Variants in HSD17B12 observed in about 807,000 individuals in gnomAD.
HSD17B12 encodes the protein very-long-chain 3-oxoacyl-CoA reductase.
A neutral mutation model predicts 39.3 loss-of-function variants in HSD17B12; 32 were observed. That is an observed-to-expected ratio of 0.81 (90% CI 0.61 to 1.09). The LOEUF is 1.09. Ranked by LOEUF, HSD17B12 falls within the 50% of genes least tolerant of loss-of-function variation. HSD17B12 has a pLI of 0.00. For missense variants in HSD17B12, 342 were observed against 382.9 expected, an observed-to-expected ratio of 0.89 and a Z score of 0.89; for synonymous variants, 150 against 146.7, an observed-to-expected ratio of 1.02 and a Z score of -0.16.
intron 6 of HSD17B12, among the ~76,000 whole-genome samples, chr11:43,819,118 A>G (rs1161969334): frequency 6.6e-6 from 1 of 152,164 alleles, no homozygotes; most frequent in Non-Finnish European, 1.5e-5. Context: ...ATTTTCTAGA[A>G]TTGTTAATAC....
chr11:43,789,561 C>G (rs1335007153), intron 3 of HSD17B12, among the ~76,000 whole-genome samples: 1 of 152,116 alleles, frequency 6.6e-6, no homozygotes, highest in African/African-American at 2.4e-5. Context: ...ATCTTTTTGT[C>G]TCTTTGACTA....
the HSD17B12 span, among the ~76,000 whole-genome samples, chr11:43,673,711 C>T: frequency 2.0e-5 from 3 of 151,744 alleles, no homozygotes; most frequent in South Asian, 4.2e-4. Flanking sequence ...TTTGTAGAGA[C>T]AGGGTTTCGC....
chr11:43,807,498 T>C (rs1352685155), intron 4 of HSD17B12, among the ~76,000 whole-genome samples: 1 of 152,176 alleles, frequency 6.6e-6, no homozygotes, highest in Non-Finnish European at 1.5e-5. Flanking sequence ...ATTCTGGAGA[T>C]TAAGCAGACC....
chr11:43,816,506 T>G, intron 6 of HSD17B12, 115 bp downstream of exon 6: 4 of 815,002 alleles, frequency 4.9e-6, no homozygotes, highest in Non-Finnish European at 6.9e-6. Flanking sequence ...GATACATGTA[T>G]TCCAGATACA....
At chr11:43,820,290 C>T (rs1227224442) in intron 6 of HSD17B12, among the ~76,000 whole-genome samples, 1 of 152,152 alleles carries the variant, frequency 6.6e-6, no homozygotes, top group Non-Finnish European at 1.5e-5. Flanking sequence ...CAGAGTGACA[C>T]GGTAATAGGT....
intron 9 of HSD17B12, 108 bp from the exon 10 acceptor site, chr11:43,854,607 G>T: frequency 8.4e-7 from 1 of 1,186,380 alleles, no homozygotes; most frequent in East Asian, 2.4e-5. Flanking sequence ...TCTCTGTAAA[G>T]ATACAGATGT....
At chr11:43,778,047 C>G (rs1029797835) in intron 3 of HSD17B12, among the ~76,000 whole-genome samples, 7 of 152,094 alleles carry the variant, frequency 4.6e-5, no homozygotes, top group African/African-American at 1.7e-4. Context: ...AATCCAGGAG[C>G]TGGTTTTTTG....
chr11:43,672,466 G>A, the HSD17B12 span, among the ~76,000 whole-genome samples: 9,820 of 152,260 alleles, frequency 0.064, 373 homozygotes, highest in East Asian at 0.13. Flanking sequence ...AAAAATGGGG[G>A]TGTTATTGTG....
At chr11:43,854,967 C>A (rs1951568715) in intron 10 of HSD17B12, 103 bp downstream of exon 10, 1 of 1,238,816 alleles carries the variant, frequency 8.1e-7, no homozygotes, top group Non-Finnish European at 1.1e-6. Flanking sequence ...TATACATTGT[C>A]CAGCCATAGT....
At chr11:43,819,905 C>T (rs1030026222) in intron 6 of HSD17B12, among the ~76,000 whole-genome samples, 4 of 152,180 alleles carry the variant, frequency 2.6e-5, no homozygotes, top group Non-Finnish European at 5.9e-5. Flanking sequence ...TCTGAATTTT[C>T]CTGTACCTTT....
intron 3 of HSD17B12, among the ~76,000 whole-genome samples, chr11:43,757,360 G>A (rs532697687): frequency 6.6e-5 from 10 of 152,042 alleles, no homozygotes; most frequent in Non-Finnish European, 1.3e-4. Flanking sequence ...TAGGCCGGGC[G>A]CGGTGGCTCA....
At chr11:43,648,626 C>G in the HSD17B12 span, among the ~76,000 whole-genome samples, 2 of 152,172 alleles carry the variant, frequency 1.3e-5, no homozygotes, top group Non-Finnish European at 2.9e-5. Context: ...TAAAGCAGTT[C>G]TATATGTGTT....
chr11:43,831,322 T>C lies in HSD17B12; in HGVS notation c.536+312T>C, dbSNP rs538700718. The C allele has an allele frequency of 1.0e-5, 2 of 195,850 alleles. No individual in the cohort carries two copies. The highest frequency in any genetic ancestry group is 1.8e-4 in the South Asian group (1 of 5,420). The allele number at this position is 195,850 out of a possible 1,614,324, so 12.1% of individuals were successfully genotyped here. A position where few individuals can be genotyped will look rare whatever the true frequency, so the allele number is the denominator to read the frequency against. Reference sequence around the variant, plus strand: ...ATTCTGAGGGGGCGGATAGAGTTCCTGGGATATTCCCGGGAATACCTTCTT... The same window carrying C: ...ATTCTGAGGGGGCGGATAGAGTTCCCGGGATATTCCCGGGAATACCTTCTT... On this transcript the variant is annotated intron_variant, in intron 7 of 10. Transcript: ENST00000278353. This position sits in a 1 kb window ranked among gnomAD's most constrained non-coding sequence, Gnocchi z 4.1.
chr11:43,831,127 T>A lies in HSD17B12; in HGVS notation c.536+117T>A. The A allele has an allele frequency of 1.1e-6, 1 of 921,244 alleles. No individual in the cohort carries two copies. The highest frequency in any genetic ancestry group is 1.7e-6 in the Non-Finnish European group (1 of 604,480). The allele number at this position is 921,244 out of a possible 1,614,324, so 57.1% of individuals were successfully genotyped here. On this transcript the variant is annotated intron_variant, in intron 7 of 10. Transcript: ENST00000278353. The surrounding 1 kb of genome is among the most constrained non-coding windows in gnomAD (Gnocchi z 4.1). The stretch of plus-strand genomic sequence containing the variant: ...ACTAATGAACCAAGCCTCCATGTCT[T>A]AGCCACAGAGTGATGTACCAGGCGA...
chr11:43,799,554 G>A (rs1378490189), intron 4 of HSD17B12, among the ~76,000 whole-genome samples: 1 of 151,978 alleles, frequency 6.6e-6, no homozygotes, highest in Non-Finnish European at 1.5e-5. Context: ...TTTGAGAGTC[G>A]TTTCTAGAAA....
intron 1 of HSD17B12, among the ~76,000 whole-genome samples, chr11:43,717,732 A>C (rs570150508): frequency 6.6e-6 from 1 of 152,164 alleles, no homozygotes; most frequent in East Asian, 1.9e-4. Context: ...AGGTGAAAAC[A>C]GAAGTTGTAA....
chr11:43,649,112 CT>C, the HSD17B12 span, among the ~76,000 whole-genome samples: 421 of 139,830 alleles, frequency 3.0e-3, 1 homozygote, highest in Admixed American at 4.6e-3. Flanking sequence ...CAACTTGTGT[CT>C]TTTTTTTTTT....
chr11:43,673,802 A>G, the HSD17B12 span, among the ~76,000 whole-genome samples: 2 of 151,994 alleles, frequency 1.3e-5, no homozygotes, highest in Non-Finnish European at 2.9e-5. Context: ...GAGCCACGGC[A>G]CCCAGCCTTT....
At chr11:43,723,107 T>G (rs1198281941) in intron 1 of HSD17B12, among the ~76,000 whole-genome samples, 2 of 152,168 alleles carry the variant, frequency 1.3e-5, no homozygotes, top group Non-Finnish European at 2.9e-5. Flanking sequence ...TCATTTTTAC[T>G]ATTAAAAAAA....
Sources: gnomAD v4.1 joint callset for allele counts (sites outside exome capture counted in the v4.1 genomes callset) on GRCh38, gnomAD v4.1.1 for gene constraint, Gnocchi (gnomAD v3.1) non-coding constraint, MANE v1.5 for transcripts, NCBI Gene and HGNC (gene_info 2026-07-23, HGNC 2026-07-21) for gene names.